The following SLIT2 variants were observed in gnomAD, a reference collection of about 807,000 sequenced individuals.
SLIT2 encodes the protein slit guidance ligand 2, also known as slit homolog 2 protein.
A neutral mutation model predicts 185.7 loss-of-function variants in SLIT2; 41 were observed. The ratio of observed to expected loss-of-function variants is 0.22; its 90% CI spans 0.17 to 0.29. SLIT2 has a LOEUF of 0.29. Among genes scored for constraint, SLIT2 ranks in the 10% least tolerant of loss-of-function variants. The probability of loss-of-function intolerance (pLI) is 1.00; values close to 1 mark genes in which losing one functional copy is unlikely to be tolerated. For missense variants in SLIT2, 1,571 were observed against 1,909.0 expected (o/e 0.82, Z 3.30); for synonymous variants, 693 against 680.2 (o/e 1.02, Z -0.29).
At chr4:20,345,892 CA>C (rs1249163638) in intron 4 of SLIT2, among the ~76,000 whole-genome samples, 1 of 152,086 alleles carries the variant, frequency 6.6e-6, no homozygotes, top group African/African-American at 2.4e-5. Context: ...TTCATGGAGC[CA>C]GTTTCCTGAA....
intron 9 of SLIT2, among the ~76,000 whole-genome samples, chr4:20,507,754 A>G (rs1466503670): frequency 6.6e-6 from 1 of 151,880 alleles, no homozygotes; most frequent in Non-Finnish European, 1.5e-5. Context: ...CTAGCTTTGC[A>G]TTACTATTAA....
At chr4:20,517,287 T>C (rs1720297822) in intron 11 of SLIT2, among the ~76,000 whole-genome samples, 1 of 152,160 alleles carries the variant, frequency 6.6e-6, no homozygotes, top group South Asian at 2.1e-4. Flanking sequence ...ACAGACTCAA[T>C]TGAATTGAGC....
At chr4:20,501,567 A>G (rs767283963) in intron 9 of SLIT2, among the ~76,000 whole-genome samples, 4 of 151,908 alleles carry the variant, frequency 2.6e-5, no homozygotes, top group Non-Finnish European at 5.9e-5. Flanking sequence ...TACAAGTGTG[A>G]CTCACCACAC....
In SLIT2 at chr4:20,406,569, A is replaced by G. The variant is rs541070040; in HGVS notation, c.396-61183A>G. Among the ~76,000 whole-genome samples, 35 of 144,432 alleles carry G rather than the reference A, an allele frequency of 2.4e-4. 1 individual carries two copies. Among genetic ancestry groups the G allele is most frequent in the African/African-American group, 8.2e-4 (34 of 41,286 alleles). 94.8% of individuals were successfully genotyped at this position (144,432 alleles called of 152,430 possible). A position where few individuals can be genotyped will look rare whatever the true frequency, so the allele number is the denominator to read the frequency against. On this transcript the variant is annotated intron_variant, in intron 4 of 36. Transcript: ENST00000504154. ...TAAAAAGTGCTCAACATTATTATCC[A>G]TCAGGAAAATAATTAAAACCATAGT...
intron 4 of SLIT2, among the ~76,000 whole-genome samples, chr4:20,454,956 T>TAA (rs60314105): frequency 6.7e-6 from 1 of 149,756 alleles, no homozygotes; most frequent in East Asian, 2.0e-4. Context: ...CATGCCAATT[T>TAA]AAAAAAAAAA....
rs149402460 is a variant in SLIT2, at chr4:20,345,537, C to CTTTTT, written c.395+76658_395+76662dup. ...TTTTCTTTTTCTTTTTTCCTTTTTT[C>CTTTTT]TTTTTTCTTTTTTTTTGAGATAGAG... On this transcript the variant is annotated intron_variant, in intron 4 of 36. Transcript: ENST00000504154. 6.2e-5 allele frequency among the ~76,000 whole-genome samples: 7 copies of CTTTTT among 112,314 alleles called. 2 individuals are homozygous for CTTTTT. The highest frequency in any genetic ancestry group is 1.1e-4 in the African/African-American group (3 of 28,478). 73.7% of individuals were successfully genotyped at this position (112,314 alleles called of 152,430 possible).
Position 20,472,578 on chromosome 4 carries a change from ATC to A in SLIT2, c.467+4757_467+4758del, listed in dbSNP as rs1219641551. Among the ~76,000 whole-genome samples, 17 of 32,718 alleles carry A rather than the reference ATC, an allele frequency of 5.2e-4. 8 individuals carry two copies. The highest frequency in any genetic ancestry group is 4.1e-3 in the African/African-American group (17 of 4,184). The allele number at this position is 32,718 out of a possible 152,430, so 21.5% of individuals were successfully genotyped here. Reference sequence around the variant, plus strand: ...TAGATATATATCTATATATAGATATATCTATATATAGATATATATCTATAGAT... The same window carrying A: ...TAGATATATATCTATATATAGATATATATATATAGATATATATCTATAGAT... On this transcript the variant is annotated intron_variant, in intron 5 of 36. Transcript: ENST00000504154.
At chr4:20,493,648 T>C (rs978699427) in intron 9 of SLIT2, among the ~76,000 whole-genome samples, 2 of 152,206 alleles carry the variant, frequency 1.3e-5, no homozygotes, top group Non-Finnish European at 2.9e-5. Flanking sequence ...TATCATTTAC[T>C]ATTTGTGAGA....
At chr4:20,429,069 G>A (rs534967538) in intron 4 of SLIT2, among the ~76,000 whole-genome samples, 20 of 152,288 alleles carry the variant, frequency 1.3e-4, no homozygotes, top group African/African-American at 4.1e-4. Flanking sequence ...TGGACGTTTC[G>A]ACTTTGACTT....
rs557135309 is a variant in SLIT2, at chr4:20,382,087, G to A, written c.396-85665G>A. 5.7e-4 allele frequency among the ~76,000 whole-genome samples: 87 copies of A among 152,042 alleles called. No individual in the cohort carries two copies. The South Asian group carries it at 0.015, about 25-fold the overall frequency. ...ATGCAAGGTTGGCTTTAAGATTTGA[G>A]AAATCAAGCATTGAAATTCAATATA... is the stretch of plus-strand genomic sequence containing the variant. On this transcript the variant is annotated intron_variant, in intron 4 of 36. Coordinates refer to ENST00000504154, the MANE Select transcript of SLIT2 (RefSeq NM_004787.4).
At chr4:20,497,969 C>T (rs1718384525) in intron 9 of SLIT2, among the ~76,000 whole-genome samples, 1 of 152,116 alleles carries the variant, frequency 6.6e-6, no homozygotes, top group Non-Finnish European at 1.5e-5. Flanking sequence ...GTCAAGAGAT[C>T]AACACCATCC....
intron 36 of SLIT2, among the ~76,000 whole-genome samples, chr4:20,618,105 C>T (rs568776721): frequency 6.6e-6 from 1 of 152,146 alleles, no homozygotes; most frequent in East Asian, 1.9e-4. Flanking sequence ...GCCTTAGAAT[C>T]GACTGATTTA....
chr4:20,379,034 G>T (rs1190904257), intron 4 of SLIT2, among the ~76,000 whole-genome samples: 1 of 152,086 alleles, frequency 6.6e-6, no homozygotes, highest in Admixed American at 6.6e-5. Context: ...GAGTACAGAG[G>T]GGTTTTAGGC....
At chr4:20,537,684 G>T (rs769803335) in intron 18 of SLIT2, among the ~76,000 whole-genome samples, 1 of 152,142 alleles carries the variant, frequency 6.6e-6, no homozygotes, top group Non-Finnish European at 1.5e-5. Flanking sequence ...GCGTCATAGA[G>T]CATTTTAGAA....
intron 18 of SLIT2, among the ~76,000 whole-genome samples, chr4:20,534,281 G>T (rs1483707831): frequency 6.6e-6 from 1 of 152,164 alleles, no homozygotes; most frequent in Non-Finnish European, 1.5e-5. Context: ...CAGTGTAAAA[G>T]AAAGACAGGC....
At chr4:20,474,241 G>A (rs1169893482) in intron 5 of SLIT2, among the ~76,000 whole-genome samples, 1 of 151,970 alleles carries the variant, frequency 6.6e-6, no homozygotes, top group Middle Eastern at 3.2e-3. Flanking sequence ...TAAATAAAAA[G>A]GGGTTGTCTC....
chr4:20,379,165 G>A (rs1407869697), intron 4 of SLIT2, among the ~76,000 whole-genome samples: 1 of 152,098 alleles, frequency 6.6e-6, no homozygotes, highest in African/African-American at 2.4e-5. Flanking sequence ...GGCTTTGGGT[G>A]ATAGTGATAT....
chr4:20,443,629 C>T (rs1729940870), intron 4 of SLIT2, among the ~76,000 whole-genome samples: 1 of 141,492 alleles, frequency 7.1e-6, no homozygotes, highest in Non-Finnish European at 1.5e-5. Flanking sequence ...GGAACTAGAC[C>T]AGGAATGGCT....
chr4:20,515,572 G>GT (rs1720122983), intron 11 of SLIT2, among the ~76,000 whole-genome samples: 1 of 151,856 alleles, frequency 6.6e-6, no homozygotes, highest in Non-Finnish European at 1.5e-5. Context: ...TTTACTATAG[G>GT]TTTTCAATGA....
Sources: gnomAD v4.1 joint callset for allele counts (sites outside exome capture counted in the v4.1 genomes callset) on GRCh38, gnomAD v4.1.1 for gene constraint, MANE v1.5 for transcripts, NCBI Gene and HGNC (gene_info 2026-07-23, HGNC 2026-07-21) for gene names.